The following GPC3 variants were observed in gnomAD, a reference collection of about 807,000 sequenced individuals.
GPC3 encodes the protein glypican 3, also known as glypican-3.
A neutral mutation model predicts 34.4 loss-of-function variants in GPC3; 3 were observed. The ratio of observed to expected loss-of-function variants is 0.09; its 90% CI spans 0.04 to 0.23. GPC3 has a LOEUF of 0.23. Among genes scored for constraint, GPC3 ranks in the 10% least tolerant of loss-of-function variants. The pLI is 1.00. For synonymous variants in GPC3, 177 were observed against 174.0 expected, an observed-to-expected ratio of 1.02 and a Z score of -0.13; for missense variants, 351 against 445.6, an observed-to-expected ratio of 0.79 and a Z score of 1.91.
At chrX:133,778,425 C>G (rs776758410) in intron 2 of GPC3, among the ~76,000 whole-genome samples, 3 of 111,597 alleles carry the variant, frequency 2.7e-5, no homozygotes, top group Non-Finnish European at 5.6e-5. Context: ...TAGATTCTTA[C>G]AAAGAATTTT....
At chrX:133,697,793 T>C (rs891851410) in intron 4 of GPC3, among the ~76,000 whole-genome samples, 2 of 112,088 alleles carry the variant, frequency 1.8e-5, no homozygotes, top group African/African-American at 6.5e-5. Context: ...ACATACTTTG[T>C]TGTTTTGTTC....
At chrX:133,795,681 T>C (rs1285059952) in intron 2 of GPC3, among the ~76,000 whole-genome samples, 1 of 111,476 alleles carries the variant, frequency 9.0e-6, no homozygotes, top group Non-Finnish European at 1.9e-5. Flanking sequence ...TTACAAGTAA[T>C]ATAAATTATC....
At chrX:133,675,858 A>G (rs1465711261) in intron 5 of GPC3, among the ~76,000 whole-genome samples, 2 of 112,507 alleles carry the variant, frequency 1.8e-5, no homozygotes, top group African/African-American at 6.5e-5. Context: ...TTAAGCATCT[A>G]CATAGCCCTG....
At chrX:133,937,491 A>G (rs2076328200) in intron 2 of GPC3, among the ~76,000 whole-genome samples, 1 of 110,899 alleles carries the variant, frequency 9.0e-6, no homozygotes, top group African/African-American at 3.3e-5. Context: ...ACATCTGAAC[A>G]TAACTGTAGA....
At chrX:133,975,256 T>C (rs1053595820) in intron 1 of GPC3, among the ~76,000 whole-genome samples, 1 of 112,390 alleles carries the variant, frequency 8.9e-6, no homozygotes, top group Non-Finnish European at 1.9e-5. Context: ...TCAAGGCTCC[T>C]CATCATCCTT....
chrX:133,920,098 G>A (rs1381698349), intron 2 of GPC3, among the ~76,000 whole-genome samples: 1 of 107,153 alleles, frequency 9.3e-6, no homozygotes, highest in African/African-American at 3.4e-5. Flanking sequence ...TCAGGAGATC[G>A]AGGCTGCAGT....
chrX:133,740,122 C>T (rs1340444785), intron 3 of GPC3, among the ~76,000 whole-genome samples: 3 of 111,926 alleles, frequency 2.7e-5, no homozygotes, highest in East Asian at 2.8e-4. Flanking sequence ...ATAGAGTTTT[C>T]GGTCAATGCT....
At position 133,675,045 on chromosome X, in the gene GPC3, A is replaced by C. The variant is rs757726452; in HGVS notation, c.1293-13195T>G. 4.5e-5 allele frequency among the ~76,000 whole-genome samples: 5 copies of C among 111,960 alleles called. No individual in the cohort carries two copies. In the South Asian group the frequency reaches 1.9e-3, roughly 42 times the overall value. ...CTGGTGGATTTTTCTCTTGTGTGGC[A>C]TCTCTAGAATATGTAGTAAACAGAG... On this transcript the variant is annotated intron_variant, in intron 5 of 7. Coordinates refer to ENST00000370818, the MANE Select transcript of GPC3 (RefSeq NM_004484.4).
intron 6 of GPC3, among the ~76,000 whole-genome samples, chrX:133,601,579 T>A (rs1467821087): frequency 8.9e-6 from 1 of 112,229 alleles, no homozygotes; most frequent in Non-Finnish European, 1.9e-5. Context: ...CTTAACCATT[T>A]TTCTAATATT....
chrX:133,586,336 T>C (rs1342223480), intron 7 of GPC3, among the ~76,000 whole-genome samples: 4 of 111,516 alleles, frequency 3.6e-5, no homozygotes, highest in Non-Finnish European at 7.5e-5. Flanking sequence ...TTCGCAAAGC[T>C]CTAGGGTGAG....
chrX:133,763,748 CA>C (rs753814610), intron 2 of GPC3: 1,266 of 376,339 alleles, frequency 3.4e-3, no homozygotes, highest in Admixed American at 4.5e-3. Context: ...ACATCAGTTT[CA>C]AAAAAAAAAG....
At chrX:133,657,026 T>C (rs2070670522) in intron 6 of GPC3, among the ~76,000 whole-genome samples, 2 of 111,927 alleles carry the variant, frequency 1.8e-5, no homozygotes, top group Admixed American at 9.6e-5. Flanking sequence ...CAGCAGGACA[T>C]TTCAACGATC....
At chrX:133,546,984 T>G (rs1386639105) in intron 7 of GPC3, among the ~76,000 whole-genome samples, 1 of 111,888 alleles carries the variant, frequency 8.9e-6, no homozygotes, top group African/African-American at 3.3e-5. Context: ...GGAGTACTAT[T>G]CAGCTATAAA....
chrX:133,619,527 T>C (rs1275839591), intron 6 of GPC3, among the ~76,000 whole-genome samples: 1 of 111,980 alleles, frequency 8.9e-6, no homozygotes, highest in South Asian at 3.7e-4. Flanking sequence ...TACTGATACA[T>C]GCTACATTGT....
chrX:133,939,665 C>T (rs2076336587), intron 2 of GPC3, among the ~76,000 whole-genome samples: 1 of 112,228 alleles, frequency 8.9e-6, no homozygotes, highest in Non-Finnish European at 1.9e-5. Flanking sequence ...GCTTTCCTTT[C>T]ATCCCTGTCG....
At chrX:133,963,022 A>G (rs1482073598) in intron 1 of GPC3, among the ~76,000 whole-genome samples, 1 of 112,264 alleles carries the variant, frequency 8.9e-6, no homozygotes, top group Non-Finnish European at 1.9e-5. Flanking sequence ...TAGGGTAATC[A>G]ATATTCACTG....
chrX:133,950,380 G>T (rs1464871369), intron 2 of GPC3, among the ~76,000 whole-genome samples: 1 of 112,014 alleles, frequency 8.9e-6, no homozygotes, highest in Non-Finnish European at 1.9e-5. Context: ...AGTAAGGATT[G>T]CTCGTGGAAC....
chrX:133,663,412 A>G (rs1044290418), intron 5 of GPC3, among the ~76,000 whole-genome samples: 2 of 111,441 alleles, frequency 1.8e-5, no homozygotes, highest in African/African-American at 6.5e-5. Flanking sequence ...GGTGTGAGCC[A>G]CCGAGCCTGG....
intron 6 of GPC3, among the ~76,000 whole-genome samples, chrX:133,598,590 C>T (rs1293356961): frequency 9.0e-6 from 1 of 111,689 alleles, no homozygotes; most frequent in Non-Finnish European, 1.9e-5. Context: ...ACAGATATGT[C>T]ATGGGAAAAG....
Sources: gnomAD v4.1 joint callset for allele counts (sites outside exome capture counted in the v4.1 genomes callset) on GRCh38, gnomAD v4.1.1 for gene constraint, MANE v1.5 for transcripts, NCBI Gene and HGNC (gene_info 2026-07-23, HGNC 2026-07-21) for gene names.